The following TRIM66 variants were observed in gnomAD, a reference collection of about 807,000 sequenced individuals.
TRIM66 encodes the protein tripartite motif-containing protein 66.
Under a neutral mutation model 148.2 loss-of-function variants are expected in TRIM66, and 99 were observed. The observed-to-expected ratio is 0.67, with a 90% CI of 0.57 to 0.79. The LOEUF is 0.79. Ranked by LOEUF, TRIM66 falls within the 30% of genes least tolerant of loss-of-function variation. The pLI, the probability that TRIM66 is intolerant of heterozygous loss-of-function variation, is 0.00. For missense variants in TRIM66, 1,666 were observed against 1,697.9 expected (o/e 0.98, Z 0.33); for synonymous variants, 616 against 635.9 (o/e 0.97, Z 0.47).
At chr11:8,669,922 C>T (rs1377355440) in intron 6 of TRIM66, among the ~76,000 whole-genome samples, 1 of 151,896 alleles carries the variant, frequency 6.6e-6, no homozygotes, top group Non-Finnish European at 1.5e-5. Flanking sequence ...CATTGTGTGT[C>T]ATGGGGGTTT....
intron 15 of TRIM66, 32 bp downstream of exon 15, chr11:8,638,622 A>G (rs1409090572): frequency 6.5e-7 from 1 of 1,541,882 alleles, no homozygotes. Context: ...AGTGGGTCCC[A>G]TGTAGTTAGG....
chr11:8,613,071 C>G lies in TRIM66; in HGVS notation c.*4873G>C, dbSNP rs1036421225. On this transcript the variant is annotated 3_prime_UTR_variant, in exon 25 of 25. Transcript: ENST00000646038. Reference sequence around the variant, plus strand: ...AGCAGGAGCTCATAAACATGGTTGGCATGAGGAGAACTGAGTTCAGGAAAA... The same window carrying G: ...AGCAGGAGCTCATAAACATGGTTGGGATGAGGAGAACTGAGTTCAGGAAAA... The G allele has an allele frequency of 1.3e-5, 2 of 152,194 alleles. No individual in the cohort carries two copies. The highest frequency in any genetic ancestry group is 4.8e-5 in the African/African-American group (2 of 41,408). The allele number at this position is 152,194 out of a possible 1,614,324, so 9.4% of individuals were successfully genotyped here. A position where few individuals can be genotyped will look rare whatever the true frequency, so the allele number is the denominator to read the frequency against.
chr11:8,642,123 T>C (rs1346665822), intron 13 of TRIM66, among the ~76,000 whole-genome samples: 5 of 152,174 alleles, frequency 3.3e-5, no homozygotes, highest in African/African-American at 7.2e-5. Context: ...TGTGCACAAG[T>C]AGATCTATGG....
intron 13 of TRIM66, among the ~76,000 whole-genome samples, 158 bp downstream of exon 13, chr11:8,642,843 CAAAAAAAA>C (rs60432547): frequency 6.8e-5 from 5 of 73,234 alleles, no homozygotes; most frequent in African/African-American, 2.7e-4. Context: ...TCTTCCCCCT[CAAAAAAAA>C]AAAAAAAAAA....
chr11:8,622,687 G>A (rs2034418890), intron 18 of TRIM66, 129 bp downstream of exon 18: 1 of 804,804 alleles, frequency 1.2e-6, no homozygotes, highest in East Asian at 2.7e-5. Context: ...AGGTTGAGGG[G>A]TTGAGGAAGG....
chr11:8,650,893 C>A (rs932700674), intron 7 of TRIM66, among the ~76,000 whole-genome samples: 1 of 152,194 alleles, frequency 6.6e-6, no homozygotes, highest in African/African-American at 2.4e-5. Flanking sequence ...GAGTACACAG[C>A]AAGATGGTCA....
chr11:8,642,396 G>C lies in TRIM66; in HGVS notation c.1222+613C>G, dbSNP rs566655324. Among the ~76,000 whole-genome samples the C allele has an allele frequency of 2.6e-5, 4 of 152,214 alleles. No individual in the cohort carries two copies. The East Asian group carries it at 7.7e-4, about 29-fold the overall frequency. On this transcript the variant is annotated intron_variant, in intron 13 of 24. Transcript: ENST00000646038. Reference sequence around the variant, plus strand: ...ATAAGATTAACAGCCTCAAATGAAGGCAGCAGCTGGCCATCAGTTTAACAC... The same window carrying C: ...ATAAGATTAACAGCCTCAAATGAAGCCAGCAGCTGGCCATCAGTTTAACAC...
At chr11:8,670,147 G>C (rs1190340205) in intron 6 of TRIM66, among the ~76,000 whole-genome samples, 1 of 151,828 alleles carries the variant, frequency 6.6e-6, no homozygotes, top group African/African-American at 2.4e-5. Context: ...CGAGTAGCTG[G>C]GACTATAGGC....
At chr11:8,618,483 G>A (rs371776762) in intron 24 of TRIM66, among the ~76,000 whole-genome samples, 72 of 152,326 alleles carry the variant, frequency 4.7e-4, no homozygotes, top group African/African-American at 1.5e-3. Flanking sequence ...AGGACAACTG[G>A]TTTCTCAGCC....
intron 19 of TRIM66, 127 bp downstream of exon 19, chr11:8,621,518 G>T: frequency 7.5e-7 from 1 of 1,338,390 alleles, no homozygotes; most frequent in Non-Finnish European, 9.9e-7. Flanking sequence ...AGGGGACAAC[G>T]TCTGGCCAAG....
chr11:8,679,344 C>A (rs141394484), intron 3 of TRIM66: 1 of 152,194 alleles, frequency 6.6e-6, no homozygotes, highest in South Asian at 2.1e-4. Flanking sequence ...ACTCCCTCTA[C>A]AACCAGATCA....
At chr11:8,675,257 CA>C (rs750362781) in intron 3 of TRIM66, among the ~76,000 whole-genome samples, 6 of 152,232 alleles carry the variant, frequency 3.9e-5, no homozygotes, top group Non-Finnish European at 7.3e-5. Flanking sequence ...ATGGAGGCAG[CA>C]AAAACTACCA....
rs2034625092 is a variant in TRIM66, at chr11:8,624,541, T to C, written c.2837A>G (p.Glu946Gly). 6.6e-7 allele frequency: 1 copy of C among 1,519,714 alleles called. No homozygotes were observed. The highest frequency in any genetic ancestry group is 8.8e-7 in the Non-Finnish European group (1 of 1,135,356). The allele number at this position is 1,519,714 out of a possible 1,614,324, so 94.1% of individuals were successfully genotyped here. A position where few individuals can be genotyped will look rare whatever the true frequency, so the allele number is the denominator to read the frequency against. ...TAAGTCAGTGAAGCGAGTGGAATCC[T>C]CACTTTCCATCTTTCAAAAGTGAAA... ...LENALCKMES[E>G]DSTRFTDLLG... Residue 946 changes from glutamate (E) to glycine (G), a missense_variant, in exon 17 of 25, where the codon GAG becomes GGG. Coordinates refer to ENST00000646038, the MANE Select transcript of TRIM66 (RefSeq NM_001388022.1).
intron 15 of TRIM66, among the ~76,000 whole-genome samples, chr11:8,634,350 G>A (rs1432883308): frequency 6.6e-6 from 1 of 152,120 alleles, no homozygotes; most frequent in Non-Finnish European, 1.5e-5. Flanking sequence ...GTGTTTTTTT[G>A]TAGAGACTGG....
At chr11:8,620,211 G>A in intron 21 of TRIM66, 87 bp from the exon 22 acceptor site, 2 of 1,380,288 alleles carry the variant, frequency 1.4e-6, no homozygotes, top group Non-Finnish European at 1.0e-6. Context: ...TAACTCCCTG[G>A]CTCTGTCCCA....
At chr11:8,683,100 G>A (rs2039520094), upstream of TRIM66, 1 of 1,261,690 alleles carries the variant, frequency 7.9e-7, no homozygotes, top group African/African-American at 1.5e-5. Context: ...CGCTCCAGAA[G>A]TTAGGTCTTT....
At chr11:8,627,843 T>C (rs561299159) in intron 15 of TRIM66, among the ~76,000 whole-genome samples, 1 of 152,332 alleles carries the variant, frequency 6.6e-6, no homozygotes, top group South Asian at 2.1e-4. Context: ...TTTGTTTTTC[T>C]GAACAGGGTC....
At chr11:8,621,576 G>A in intron 19 of TRIM66, 69 bp downstream of exon 19, 5 of 1,451,718 alleles carry the variant, frequency 3.4e-6, no homozygotes, top group Middle Eastern at 2.3e-4. Flanking sequence ...TCAGAATTCG[G>A]GCAGTAGCAG....
chr11:8,621,511 G>C lies in TRIM66; in HGVS notation c.3255+134C>G, dbSNP rs561627967. 39 of 1,315,008 alleles carry C rather than the reference G, an allele frequency of 3.0e-5. No homozygotes were observed. The East Asian group carries it at 9.9e-4, about 33-fold the overall frequency. The allele number at this position is 1,315,008 out of a possible 1,614,324, so 81.5% of individuals were successfully genotyped here. The stretch of plus-strand genomic sequence containing the variant: ...GCATCTCACAGGACCTTGCAGCAGG[G>C]GACAACGTCTGGCCAAGCTGCAGCC... On this transcript the variant is annotated intron_variant, in intron 19 of 24. Coordinates refer to ENST00000646038, the MANE Select transcript of TRIM66 (RefSeq NM_001388022.1).
Sources: allele counts gnomAD v4.1 joint callset (sites outside exome capture counted in the v4.1 genomes callset), GRCh38; gene constraint gnomAD v4.1.1; transcripts MANE v1.5; gene names NCBI Gene and HGNC (gene_info 2026-07-23, HGNC 2026-07-21).